LRP1B: variants seen among roughly 807,000 people sequenced by gnomAD.
LRP1B encodes the protein low-density lipoprotein receptor-related protein 1B.
LRP1B carries 217 observed loss-of-function variants against 556.6 expected under a neutral mutation model. That is an observed-to-expected ratio of 0.39 (90% CI 0.35 to 0.44). LRP1B has a LOEUF of 0.44. Ranked by LOEUF, LRP1B falls within the 20% of genes least tolerant of loss-of-function variation. LRP1B has a pLI of 1.00. For missense variants in LRP1B, 5,053 were observed against 5,620.8 expected, an observed-to-expected ratio of 0.90 and a Z score of 3.23; for synonymous variants, 2,047 against 1,865.8, an observed-to-expected ratio of 1.10 and a Z score of -2.50.
intron 2 of LRP1B, among the ~76,000 whole-genome samples, chr2:141,641,037 C>A (rs1689311926): frequency 6.6e-6 from 1 of 152,088 alleles, no homozygotes; most frequent in African/African-American, 2.4e-5. Context: ...TACTCAATAT[C>A]CATTGAGAGA....
chr2:141,699,796 T>A (rs2105460049), intron 2 of LRP1B, among the ~76,000 whole-genome samples: 1 of 150,546 alleles, frequency 6.6e-6, no homozygotes, highest in East Asian at 2.0e-4. Context: ...TATTTTGAAC[T>A]TTGTTGCCTT....
At chr2:140,602,956 A>C (rs1251416672) in intron 41 of LRP1B, among the ~76,000 whole-genome samples, 1 of 151,966 alleles carries the variant, frequency 6.6e-6, no homozygotes, top group Admixed American at 6.6e-5. Flanking sequence ...TAATATTAAC[A>C]CAAAATTTTT....
intron 1 of LRP1B, among the ~76,000 whole-genome samples, chr2:142,107,594 T>C (rs1425112477): frequency 2.6e-5 from 4 of 151,002 alleles, no homozygotes; most frequent in Non-Finnish European, 5.9e-5. Context: ...TTAGTCTGTC[T>C]CATATAGGCA....
At chr2:141,087,525 C>T (rs1336785227) in intron 7 of LRP1B, among the ~76,000 whole-genome samples, 2 of 152,196 alleles carry the variant, frequency 1.3e-5, no homozygotes, top group Non-Finnish European at 2.9e-5. Flanking sequence ...ACAGCACCTA[C>T]TAGGAGACAG....
chr2:142,026,464 T>G (rs1222772808), intron 1 of LRP1B, among the ~76,000 whole-genome samples: 1 of 152,142 alleles, frequency 6.6e-6, no homozygotes, highest in African/African-American at 2.4e-5. Flanking sequence ...CTTAGAGCTT[T>G]TCCAAATCGT....
chr2:140,428,198 G>A (rs1185349865), intron 66 of LRP1B, among the ~76,000 whole-genome samples: 1 of 151,974 alleles, frequency 6.6e-6, no homozygotes, highest in East Asian at 1.9e-4. Context: ...TTAAATTCTG[G>A]CCCTCAAACC....
At chr2:141,147,690 T>C (rs1185704513) in intron 7 of LRP1B, among the ~76,000 whole-genome samples, 1 of 152,212 alleles carries the variant, frequency 6.6e-6, no homozygotes, top group Non-Finnish European at 1.5e-5. Context: ...CACATTTTTA[T>C]AGCCTGCTAT....
At chr2:141,885,978 G>C (rs1489641800) in intron 1 of LRP1B, among the ~76,000 whole-genome samples, 2 of 152,146 alleles carry the variant, frequency 1.3e-5, no homozygotes, top group Non-Finnish European at 2.9e-5. Flanking sequence ...ACACTTCTGT[G>C]GATCAGCAAA....
At chr2:141,882,968 T>C (rs1486120592) in intron 1 of LRP1B, among the ~76,000 whole-genome samples, 1 of 152,224 alleles carries the variant, frequency 6.6e-6, no homozygotes, top group African/African-American at 2.4e-5. Flanking sequence ...AGTAGCAGTC[T>C]CACCAAAGGC....
At chr2:141,427,412 A>T (rs2104976961) in intron 3 of LRP1B, among the ~76,000 whole-genome samples, 1 of 152,334 alleles carries the variant, frequency 6.6e-6, no homozygotes, top group East Asian at 1.9e-4. Flanking sequence ...TGACAAGAAT[A>T]GAAGAATATG....
chr2:141,097,393 A>G (rs902756887), intron 7 of LRP1B, among the ~76,000 whole-genome samples: 4 of 152,214 alleles, frequency 2.6e-5, no homozygotes, highest in Admixed American at 6.5e-5. Flanking sequence ...TCTATTAAGC[A>G]AGTATCTGTG....
At chr2:140,779,685 ACT>A (rs1370180163) in intron 32 of LRP1B, among the ~76,000 whole-genome samples, 2 of 115,308 alleles carry the variant, frequency 1.7e-5, no homozygotes, top group African/African-American at 7.1e-5. Flanking sequence ...ACAGAGCGAG[ACT>A]CTGTCTCAAA....
At chr2:140,808,916 G>T (rs1199014495) in intron 32 of LRP1B, among the ~76,000 whole-genome samples, 2 of 151,964 alleles carry the variant, frequency 1.3e-5, no homozygotes, top group African/African-American at 4.8e-5. Context: ...CCTGTATCCT[G>T]TTCTCCACAG....
intron 20 of LRP1B, among the ~76,000 whole-genome samples, chr2:140,931,980 T>C (rs1472839611): frequency 6.6e-6 from 1 of 152,170 alleles, no homozygotes; most frequent in Non-Finnish European, 1.5e-5. Context: ...CATTTGGAAA[T>C]TACTGTTTGG....
intron 1 of LRP1B, among the ~76,000 whole-genome samples, chr2:141,825,369 C>A (rs1696887648): frequency 6.6e-6 from 1 of 152,130 alleles, no homozygotes; most frequent in African/African-American, 2.4e-5. Flanking sequence ...TGTCAAGAAT[C>A]TCCTTCCCTA....
At chr2:140,663,289 C>A (rs1278486390) in intron 41 of LRP1B, among the ~76,000 whole-genome samples, 1 of 152,100 alleles carries the variant, frequency 6.6e-6, no homozygotes, top group Non-Finnish European at 1.5e-5. Context: ...CACTGGTCAT[C>A]ATCATCATCG....
At chr2:140,943,417 C>A (rs1418245393) in intron 20 of LRP1B, among the ~76,000 whole-genome samples, 2 of 151,902 alleles carry the variant, frequency 1.3e-5, no homozygotes, top group Non-Finnish European at 2.9e-5. Flanking sequence ...AGCACTCAAC[C>A]CATTAGATTT....
intron 59 of LRP1B, among the ~76,000 whole-genome samples, chr2:140,479,982 C>CTA (rs1442084318): frequency 1.3e-5 from 2 of 152,176 alleles, no homozygotes; most frequent in Non-Finnish European, 2.9e-5. Flanking sequence ...GTCTCTGTAA[C>CTA]TATAACCTCA....
chr2:140,431,011 G>A (rs1685912428), intron 66 of LRP1B, among the ~76,000 whole-genome samples: 1 of 152,048 alleles, frequency 6.6e-6, no homozygotes, highest in Non-Finnish European at 1.5e-5. Context: ...TTTCCTACAG[G>A]GTCTGAGAAG....
Sources: gnomAD v4.1 joint callset for allele counts (sites outside exome capture counted in the v4.1 genomes callset) on GRCh38, gnomAD v4.1.1 for gene constraint, MANE v1.5 for transcripts, NCBI Gene and HGNC (gene_info 2026-07-23, HGNC 2026-07-21) for gene names.